NBEA: variants seen among roughly 807,000 people sequenced by gnomAD.
NBEA encodes lysosomal-trafficking regulator 2.
Under a neutral mutation model 343.4 loss-of-function variants are expected in NBEA, and 44 were observed. That is an observed-to-expected ratio of 0.13 (90% CI 0.10 to 0.16). The LOEUF (loss-of-function observed/expected upper bound fraction) is 0.16. Among genes scored for constraint, NBEA ranks in the 10% least tolerant of loss-of-function variants. NBEA has a pLI of 1.00. For synonymous variants in NBEA, 1,175 were observed against 1,238.7 expected, an observed-to-expected ratio of 0.95 and a Z score of 1.08; for missense variants, 2,555 against 3,631.3, an observed-to-expected ratio of 0.70 and a Z score of 7.62.
chr13:35,527,154 G>A (rs1024477671), intron 41 of NBEA, among the ~76,000 whole-genome samples: 4 of 152,116 alleles, frequency 2.6e-5, no homozygotes, highest in African/African-American at 9.7e-5. Context: ...GCAGAGAGGA[G>A]ACCCATAAGA....
chr13:35,666,444 A>G (rs1041618029), intron 56 of NBEA, among the ~76,000 whole-genome samples: 1 of 151,470 alleles, frequency 6.6e-6, no homozygotes, highest in African/African-American at 2.4e-5. Flanking sequence ...TAAGTGACAC[A>G]TAGTAGGCGC....
chr13:34,949,125 A>C (rs1195676126), intron 1 of NBEA, among the ~76,000 whole-genome samples: 1 of 152,172 alleles, frequency 6.6e-6, no homozygotes, highest in Non-Finnish European at 1.5e-5. Context: ...AAGTAACAGT[A>C]ATCCAGTTGT....
chr13:35,432,374 G>A lies in NBEA; in HGVS notation c.6285G>A (p.Leu2095=). Residue 2095 remains leucine (L), a synonymous_variant, in exon 39 of 59, where the codon CTG becomes CTA. Transcript: ENST00000379939. The part of the protein sequence containing the change: ...AFGSTHAEAL[L]KAAIEYGTEE... ...GCTCCACTCATGCTGAAGCATTGCT[G>A]AAAGCTGCAATAGAATATGGTTAGT... 1 of 1,606,446 alleles carries A rather than the reference G, an allele frequency of 6.2e-7. No individual in the cohort carries two copies. Among genetic ancestry groups the A allele is most frequent in the Non-Finnish European group, 8.5e-7 (1 of 1,176,070 alleles).
intron 11 of NBEA, among the ~76,000 whole-genome samples, chr13:35,106,465 A>T (rs189681598): frequency 6.6e-6 from 1 of 151,132 alleles, no homozygotes; most frequent in African/African-American, 2.4e-5. Flanking sequence ...TAGGGTAGGG[A>T]TCAGGAGGAT....
chr13:35,258,223 A>G (rs1375538065), intron 34 of NBEA, among the ~76,000 whole-genome samples: 2 of 149,750 alleles, frequency 1.3e-5, no homozygotes, highest in Non-Finnish European at 3.0e-5. Flanking sequence ...GCTGGAGTGC[A>G]GTGGCGCGAT....
intron 41 of NBEA, among the ~76,000 whole-genome samples, chr13:35,477,816 A>T (rs1423093283): frequency 6.6e-6 from 1 of 152,236 alleles, no homozygotes; most frequent in Admixed American, 6.5e-5. Flanking sequence ...GGATTTAAAC[A>T]TCATTTTGAA....
intron 22 of NBEA, 103 bp from the exon 23 acceptor site, chr13:35,161,647 G>A: frequency 1.0e-6 from 1 of 976,514 alleles, no homozygotes; most frequent in South Asian, 1.7e-5. Context: ...AAAGTCATAT[G>A]CTAAAGCATT....
intron 36 of NBEA, among the ~76,000 whole-genome samples, chr13:35,327,970 T>G (rs1484555267): frequency 6.6e-6 from 1 of 151,812 alleles, no homozygotes; most frequent in Admixed American, 6.6e-5. Flanking sequence ...ATGAGTGGCA[T>G]CTGCAAAAAA....
At chr13:35,184,259 T>A (rs2071528546) in intron 30 of NBEA, among the ~76,000 whole-genome samples, 188 bp downstream of exon 30, 1 of 152,242 alleles carries the variant, frequency 6.6e-6, no homozygotes, top group East Asian at 1.9e-4. Context: ...TTTTATTACA[T>A]TTCTTTAAGT....
chr13:35,290,588 AT>A (rs975885648), intron 35 of NBEA, 138 bp downstream of exon 35: 2 of 576,502 alleles, frequency 3.5e-6, no homozygotes, highest in African/African-American at 3.9e-5. Flanking sequence ...GGAGAAAATA[AT>A]TTATGTTGAG....
chr13:34,983,293 G>A (rs534703393), intron 1 of NBEA, among the ~76,000 whole-genome samples: 2 of 152,160 alleles, frequency 1.3e-5, no homozygotes, highest in East Asian at 1.9e-4. Context: ...CTGTCCTTGC[G>A]ATAGTTTGCT....
intron 14 of NBEA, among the ~76,000 whole-genome samples, chr13:35,117,841 A>C (rs1381705265): frequency 6.6e-6 from 1 of 152,046 alleles, no homozygotes; most frequent in Admixed American, 6.5e-5. Flanking sequence ...TTAAATGTTA[A>C]GATGAAACCA....
At position 35,028,520 on chromosome 13, in the gene NBEA, A is replaced by G. The variant is rs565756634; in HGVS notation, c.295-12413A>G. Among the ~76,000 whole-genome samples, 5 of 151,972 alleles carry G rather than the reference A, an allele frequency of 3.3e-5. No homozygotes were observed. In the South Asian group the frequency reaches 8.3e-4, roughly 25 times the overall value. On this transcript the variant is annotated intron_variant, in intron 1 of 58. Coordinates refer to ENST00000379939, the MANE Select transcript of NBEA (RefSeq NM_001385012.1). ...TCCTGTTACCTAGCTAAACTCACTG[A>G]ATGGTTACAGAGATGTTTTCCTAGA...
At chr13:35,209,717 A>G (rs1056389533) in intron 32 of NBEA, among the ~76,000 whole-genome samples, 1 of 151,854 alleles carries the variant, frequency 6.6e-6, no homozygotes, top group Non-Finnish European at 1.5e-5. Flanking sequence ...ATTTTTATTA[A>G]TTTCATAGCT....
rs537673808 is a variant in NBEA, at chr13:35,053,378, A to G, written c.973-2632A>G. Among the ~76,000 whole-genome samples the G allele has an allele frequency of 6.8e-4, 103 of 152,180 alleles. 1 individual carries two copies. The highest frequency in any genetic ancestry group is 2.5e-3 in the African/African-American group (102 of 41,556). ...TTCTGCCTGGAATGTTTTTTTAACC[A>G]CTGTCTACTGAACAGTTCCTTTTCA... On this transcript the variant is annotated intron_variant, in intron 6 of 58. Coordinates refer to ENST00000379939, the MANE Select transcript of NBEA (RefSeq NM_001385012.1).
Position 35,070,009 on chromosome 13 carries a change from T to C in NBEA, c.1341T>C (p.Tyr447=), listed in dbSNP as rs1287191098. 1.2e-6 allele frequency: 2 copies of C among 1,607,302 alleles called. No individual in the cohort carries two copies. Among genetic ancestry groups the C allele is most frequent in the Admixed American group, 1.7e-5 (1 of 59,502 alleles). The change falls in exon 9 of 59, where the codon TAT becomes TAC. Residue 447 remains tyrosine (Y), a synonymous_variant. Transcript: ENST00000379939. ...TTGCAAGTAGCATTGCCTTTACATA[T>C]AATGCTAAGGCCACTGATGCTCAGC... is the stretch of plus-strand genomic sequence containing the variant. ...GKLASSIAFT[Y]NAKATDAQLC... is the part of the protein sequence containing the mutation.
chr13:35,327,981 CAT>C (rs575663097), intron 36 of NBEA, among the ~76,000 whole-genome samples: 198 of 151,680 alleles, frequency 1.3e-3, no homozygotes, highest in African/African-American at 4.7e-3. Flanking sequence ...CTGCAAAAAA[CAT>C]ATAGCTAACA....
chr13:35,009,071 T>G (rs1386335426), intron 1 of NBEA, among the ~76,000 whole-genome samples: 2 of 152,236 alleles, frequency 1.3e-5, no homozygotes, highest in African/African-American at 4.8e-5. Flanking sequence ...CTTCAAGTAT[T>G]GTTTTTATGT....
At chr13:35,067,974 G>T (rs1278817656) in intron 8 of NBEA, among the ~76,000 whole-genome samples, 1 of 152,034 alleles carries the variant, frequency 6.6e-6, no homozygotes, top group African/African-American at 2.4e-5. Flanking sequence ...CGGGCCTCAA[G>T]TGATCCTCCC....
Sources: allele counts gnomAD v4.1 joint callset (sites outside exome capture counted in the v4.1 genomes callset), GRCh38; gene constraint gnomAD v4.1.1; transcripts MANE v1.5; gene names NCBI Gene and HGNC (gene_info 2026-07-23, HGNC 2026-07-21).